Variants in MAP2K2 observed in about 807,000 individuals in gnomAD.
MAP2K2 encodes mitogen-activated protein kinase kinase 2, also known as dual specificity mitogen-activated protein kinase kinase 2.
A neutral mutation model predicts 43.7 loss-of-function variants in MAP2K2; 24 were observed. That is an observed-to-expected ratio of 0.55 (90% CI 0.40 to 0.77). MAP2K2 has a LOEUF of 0.77. MAP2K2 is among the 30% of genes least tolerant of loss of function. MAP2K2 has a pLI of 0.00. For synonymous variants in MAP2K2, 244 were observed against 239.7 expected, an observed-to-expected ratio of 1.02 and a Z score of -0.17; for missense variants, 470 against 566.8, an observed-to-expected ratio of 0.83 and a Z score of 1.73.
chr19:4,113,967 C>T (rs367988298), intron 2 of MAP2K2, among the ~76,000 whole-genome samples: 1 of 152,190 alleles, frequency 6.6e-6, no homozygotes, highest in Non-Finnish European at 1.5e-5. Flanking sequence ...GCCCACACTG[C>T]GCTTCCAAAC....
rs578017527 is a variant in MAP2K2, at chr19:4,102,736, G to A, written c.451-283C>T. On this transcript the variant is annotated intron_variant, in intron 3 of 10. Transcript: ENST00000262948. Reference sequence around the variant, plus strand: ...GACTCGGCCCTCCTGAGGTCGCCACGGCAGAGGCTCTGCTCCGGGCCAGCC... The same window carrying A: ...GACTCGGCCCTCCTGAGGTCGCCACAGCAGAGGCTCTGCTCCGGGCCAGCC... The A allele has an allele frequency of 1.6e-3, 2,061 of 1,300,676 alleles. 10 individuals carry two copies. The highest frequency in any genetic ancestry group is 9.0e-3 in the Middle Eastern group (30 of 3,332). The allele number at this position is 1,300,676 out of a possible 1,614,324, so 80.6% of individuals were successfully genotyped here. A position where few individuals can be genotyped will look rare whatever the true frequency, so the allele number is the denominator to read the frequency against.
chr19:4,117,688 G>A (rs2041241846), intron 1 of MAP2K2, 59 bp from the exon 2 acceptor site: 1 of 1,518,172 alleles, frequency 6.6e-7, no homozygotes, highest in South Asian at 1.1e-5. Flanking sequence ...CTGGCCGTTT[G>A]CTATGTGGCC....
intron 1 of MAP2K2, among the ~76,000 whole-genome samples, chr19:4,120,105 A>G (rs1030807494): frequency 6.6e-6 from 1 of 152,108 alleles, no homozygotes; most frequent in Admixed American, 6.6e-5. Flanking sequence ...GGGTGGGGGA[A>G]CCTGCCCGAG....
At chr19:4,092,721 G>A (rs1013738374) in intron 10 of MAP2K2, among the ~76,000 whole-genome samples, 14 of 152,082 alleles carry the variant, frequency 9.2e-5, no homozygotes, top group African/African-American at 3.1e-4. Context: ...ATCCCCCTAT[G>A]GCACTAGGAT....
intron 9 of MAP2K2, chr19:4,094,949 C>G: frequency 2.8e-6 from 1 of 354,978 alleles, no homozygotes; most frequent in Non-Finnish European, 5.3e-6. Flanking sequence ...AGCTCCTTCC[C>G]CGTGGTCTGC....
chr19:4,120,548 C>T (rs769022068), intron 1 of MAP2K2, among the ~76,000 whole-genome samples: 26 of 152,108 alleles, frequency 1.7e-4, no homozygotes, highest in Non-Finnish European at 3.7e-4. Context: ...AACTCTGGGC[C>T]TCAAGTAATC....
At chr19:4,097,729 C>T (rs909430164) in intron 7 of MAP2K2, among the ~76,000 whole-genome samples, 2 of 152,146 alleles carry the variant, frequency 1.3e-5, no homozygotes, top group African/African-American at 2.4e-5. Flanking sequence ...GAGCTGCTGG[C>T]GGTGATGGGG....
chr19:4,110,410 T>A, intron 3 of MAP2K2, 99 bp downstream of exon 3: 7 of 1,471,136 alleles, frequency 4.8e-6, no homozygotes, highest in Non-Finnish European at 6.6e-6. Flanking sequence ...CAGCGCACTG[T>A]TGCCTCTGAG....
chr19:4,118,515 A>G (rs1215464979), intron 1 of MAP2K2, among the ~76,000 whole-genome samples: 1 of 152,100 alleles, frequency 6.6e-6, no homozygotes, highest in African/African-American at 2.4e-5. Flanking sequence ...GGAGGGGGAG[A>G]TTGCAGTGAA....
In MAP2K2 at chr19:4,090,651, A is replaced by T. The variant is rs1401125796; in HGVS notation, c.1150T>A (p.Cys384Ser). Reference protein sequence around the residue: ...VEEVDFAGWLCKTLRLNQPGT... With the variant: ...VEEVDFAGWLSKTLRLNQPGT... ...GGCTGGTTCAGCCGCAGGGTTTTACACAACCAGCCGGCAAAATCCACTTCT... is the reference window on the plus strand; with the variant it reads ...GGCTGGTTCAGCCGCAGGGTTTTACTCAACCAGCCGGCAAAATCCACTTCT... The change falls in exon 11 of 11, where the codon TGT (cysteine) becomes AGT (serine). Residue 384 changes from cysteine (C) to serine (S), a missense_variant. By Grantham distance (112) the Cys-to-Ser change is moderately radical. Transcript: ENST00000262948. The T allele has an allele frequency of 1.9e-6, 3 of 1,558,262 alleles. No homozygotes were observed. The highest frequency in any genetic ancestry group is 2.6e-6 in the Non-Finnish European group (3 of 1,151,076).
rs1037585194 is a variant in MAP2K2 at position 4,099,620 on chromosome 19, C to T, written c.706-206G>A. On this transcript the variant is annotated intron_variant, in intron 6 of 10. Coordinates refer to ENST00000262948, the MANE Select transcript of MAP2K2 (RefSeq NM_030662.4). ...TGCTGAAGAGGCTTCCAGCCCGAGG[C>T]CTGGAGCTGGTGTTGACCGCAGCTC... The T allele has an allele frequency of 2.5e-5, 15 of 597,246 alleles. No homozygotes were observed. In the South Asian group the frequency reaches 2.6e-4, roughly 10 times the overall value. The allele number at this position is 597,246 out of a possible 1,614,324, so 37.0% of individuals were successfully genotyped here.
At chr19:4,091,892 G>A (rs1416214266) in intron 10 of MAP2K2, among the ~76,000 whole-genome samples, 1 of 152,008 alleles carries the variant, frequency 6.6e-6, no homozygotes, top group Non-Finnish European at 1.5e-5. Context: ...CAAATGATCC[G>A]CTCACCTCGG....
At position 4,090,512 on chromosome 19, in the gene MAP2K2, C is replaced by A; in HGVS notation, c.*86G>T. ...GGTGAGGCAGGAGGGTGGGTGGAGG[C>A]GCCAGCCTGTCCTCAGCTGGAAGGG... On this transcript the variant is annotated 3_prime_UTR_variant, in exon 11 of 11. Coordinates refer to ENST00000262948, the MANE Select transcript of MAP2K2 (RefSeq NM_030662.4). The A allele has an allele frequency of 1.7e-6, 2 of 1,185,696 alleles. No homozygotes were observed. Among genetic ancestry groups the A allele is most frequent in the Non-Finnish European group, 2.4e-6 (2 of 817,726 alleles). 73.4% of individuals were successfully genotyped at this position (1,185,696 alleles called of 1,614,324 possible).
chr19:4,094,523 G>A lies in MAP2K2; in HGVS notation c.1047-25C>T, dbSNP rs767566369. Reference sequence around the variant, plus strand: ...GCTGGGGGTTCCAAGAGGCAGGACCGGGAGGCGGTGGAGGAGACAAGACAG... The same window carrying A: ...GCTGGGGGTTCCAAGAGGCAGGACCAGGAGGCGGTGGAGGAGACAAGACAG... On this transcript the variant is annotated intron_variant, in intron 9 of 10. Transcript: ENST00000262948. The A allele has an allele frequency of 7.5e-5, 117 of 1,559,248 alleles. 3 individuals carry two copies. The South Asian group carries it at 1.1e-3, about 15-fold the overall frequency.
In MAP2K2 at chr19:4,117,707, T is replaced by C. The variant is rs350890; in HGVS notation, c.93-78A>G. On this transcript the variant is annotated intron_variant, in intron 1 of 10. Coordinates refer to ENST00000262948, the MANE Select transcript of MAP2K2 (RefSeq NM_030662.4). Reference sequence around the variant, plus strand: ...CCGTTTGCTATGTGGCCGTGGTGCATCGGCCCCCAGGAGGACACAGACTGG... The same window carrying C: ...CCGTTTGCTATGTGGCCGTGGTGCACCGGCCCCCAGGAGGACACAGACTGG... 1,022,498 of 1,322,262 alleles carry C rather than the reference T, an allele frequency of 0.77. 396,444 individuals are homozygous for C. Among genetic ancestry groups the C allele is most frequent in the East Asian group, 0.9 (39,069 of 43,578 alleles). 81.9% of individuals were successfully genotyped at this position (1,322,262 alleles called of 1,614,324 possible). A position where few individuals can be genotyped will look rare whatever the true frequency, so the allele number is the denominator to read the frequency against.
At position 4,101,792 on chromosome 19, in the gene MAP2K2, A is replaced by C. The variant is rs16992207; in HGVS notation, c.529-512T>G. On this transcript the variant is annotated intron_variant, in intron 4 of 10. Coordinates refer to ENST00000262948, the MANE Select transcript of MAP2K2 (RefSeq NM_030662.4). This position sits in a 1 kb window ranked among gnomAD's most constrained non-coding sequence, Gnocchi z 6.3. ...AGTGTGACGGCAGCTTTCAACTCGG[A>C]AACGCGTGTCTGGCAGCATGCGTCC... is the stretch of plus-strand genomic sequence containing the variant. Among the ~76,000 whole-genome samples, 1,596 of 152,270 alleles carry C rather than the reference A, an allele frequency of 0.01. 33 individuals are homozygous for C. The highest frequency in any genetic ancestry group is 0.036 in the African/African-American group (1,513 of 41,554).
intron 2 of MAP2K2, among the ~76,000 whole-genome samples, chr19:4,116,901 C>G (rs1419364870): frequency 6.6e-6 from 1 of 152,120 alleles, no homozygotes; most frequent in African/African-American, 2.4e-5. Flanking sequence ...TGCACTCCAG[C>G]CTGGGCAACA....
At chr19:4,118,821 A>G (rs182902506) in intron 1 of MAP2K2, among the ~76,000 whole-genome samples, 9 of 152,342 alleles carry the variant, frequency 5.9e-5, no homozygotes, top group Non-Finnish European at 1.2e-4. Context: ...ACAAGCAAGT[A>G]CATTGCACTT....
intron 1 of MAP2K2, 82 bp downstream of exon 1, chr19:4,123,702 C>G: frequency 9.8e-7 from 1 of 1,020,348 alleles, no homozygotes; most frequent in Non-Finnish European, 1.4e-6. Context: ...TCCTCGCGAA[C>G]CCCCGTCCCC....
Sources: allele counts gnomAD v4.1 joint callset (sites outside exome capture counted in the v4.1 genomes callset), GRCh38; gene constraint gnomAD v4.1.1; non-coding constraint Gnocchi (gnomAD v3.1); transcripts MANE v1.5; gene names NCBI Gene and HGNC (gene_info 2026-07-23, HGNC 2026-07-21).